Variants in ILDR2 observed in about 807,000 individuals in gnomAD.
ILDR2 encodes immunoglobulin like domain containing receptor 2, also known as immunoglobulin-like domain-containing receptor 2.
A neutral mutation model predicts 66.8 loss-of-function variants in ILDR2; 25 were observed. The ratio of observed to expected loss-of-function variants is 0.37; its 90% CI spans 0.27 to 0.52. ILDR2 has a LOEUF of 0.52. ILDR2 is among the 20% of genes least tolerant of loss of function. ILDR2 has a pLI of 0.88. For missense variants in ILDR2, 827 were observed against 876.8 expected, an observed-to-expected ratio of 0.94 and a Z score of 0.72; for synonymous variants, 367 against 357.2, an observed-to-expected ratio of 1.03 and a Z score of -0.31.
rs1659428233 is a variant in ILDR2, at chr1:166,909,760, A to AAATATATATATAT, written c.*9594_*9595insATATATATATATT. The AAATATATATATAT allele has an allele frequency of 1.6e-5, 1 of 62,746 alleles. No individual in the cohort carries two copies. Among genetic ancestry groups the AAATATATATATAT allele is most frequent in the Non-Finnish European group, 2.7e-5 (1 of 36,372 alleles). 3.9% of individuals were successfully genotyped at this position (62,746 alleles called of 1,614,324 possible). On this transcript the variant is annotated 3_prime_UTR_variant, in exon 10 of 10. Transcript: ENST00000271417. ...ACATATATATATATATATATATATAAATATATATAAATATATATATTTATA... is the reference window on the plus strand; with the variant it reads ...ACATATATATATATATATATATATAAAATATATATATATATATATATAAATATATATATTTATA...
chr1:166,927,053 T>C lies in ILDR2; in HGVS notation c.994+14A>G. ...GCATAATGCACAGATCACAGAAAAC[T>C]AACAGATGCTCACATCTGCCTCTCA... On this transcript the variant is annotated intron_variant, in intron 7 of 9. Coordinates refer to ENST00000271417, the MANE Select transcript of ILDR2 (RefSeq NM_199351.3). 2 of 1,572,434 alleles carry C rather than the reference T, an allele frequency of 1.3e-6. No homozygotes were observed. The highest frequency in any genetic ancestry group is 1.4e-5 in the African/African-American group (1 of 73,934).
downstream of ILDR2, among the ~76,000 whole-genome samples, chr1:166,906,365 C>T (rs1007954112): frequency 1.3e-5 from 2 of 152,162 alleles, no homozygotes; most frequent in African/African-American, 2.4e-5. Context: ...GCTCTTAGCT[C>T]AGCCTGGTGG....
Position 166,936,589 on chromosome 1 carries a change from AC to A in ILDR2, c.703+1del. The A allele has an allele frequency of 6.2e-7, 1 of 1,614,078 alleles. No individual in the cohort carries two copies. The highest frequency in any genetic ancestry group is 8.5e-7 in the Non-Finnish European group (1 of 1,179,972). On this transcript the variant is annotated splice_donor_variant, in intron 5 of 9. Transcript: ENST00000271417. LOFTEE classifies it high-confidence loss of function. The surrounding 1 kb of genome is among the most constrained non-coding windows in gnomAD (Gnocchi z 5.0). ...TGTCTCCCCAGCGGTCACTGTACTC[AC>A]AGGCTTGAGGGCAGCAGCAGGAATC...
chr1:166,937,993 A>T (rs1359725769), intron 4 of ILDR2, among the ~76,000 whole-genome samples: 1 of 152,194 alleles, frequency 6.6e-6, no homozygotes, highest in Non-Finnish European at 1.5e-5. Context: ...TTAGATCATA[A>T]TTTCCTCAGA....
chr1:166,920,916 C>A lies in ILDR2; in HGVS notation c.1675G>T (p.Gly559Cys). Reference sequence around the variant, plus strand: ...GCGTAGTAGGAGGCGCTGCGCGGGCCGAGCTGCGCGCTCCGCTTGGATGGC... The same window carrying A: ...GCGTAGTAGGAGGCGCTGCGCGGGCAGAGCTGCGCGCTCCGCTTGGATGGC... ...ETPSKRSAQLGPRSASYYAWS... is the reference protein window; with the variant it reads ...ETPSKRSAQLCPRSASYYAWS... Residue 559 changes from glycine (G) to cysteine (C), a missense_variant, in exon 9 of 10, where the codon GGC becomes TGC. Around this residue, in one of 2 missense-constraint regions of ILDR2, gnomAD observed 390 missense variants for 353.6 expected, o/e 1.10. Coordinates refer to ENST00000271417, the MANE Select transcript of ILDR2 (RefSeq NM_199351.3). 1 of 1,473,420 alleles carries A rather than the reference C, an allele frequency of 6.8e-7. No individual in the cohort carries two copies. The allele number at this position is 1,473,420 out of a possible 1,614,324, so 91.3% of individuals were successfully genotyped here.
intron 2 of ILDR2, among the ~76,000 whole-genome samples, chr1:166,897,597 G>A (rs568674955): frequency 1.3e-5 from 2 of 152,320 alleles, no homozygotes; most frequent in Admixed American, 6.5e-5. Context: ...TGGAGATTGA[G>A]TTCAATCACA....
intron 1 of ILDR2, 148 bp downstream of exon 1, chr1:166,975,075 T>G: frequency 4.8e-6 from 3 of 619,206 alleles, no homozygotes; most frequent in Non-Finnish European, 9.1e-6. Context: ...AACACACACG[T>G]TGCCCCCTCC....
intron 2 of ILDR2, among the ~76,000 whole-genome samples, chr1:166,896,497 A>G (rs1659168884): frequency 6.6e-6 from 1 of 151,784 alleles, no homozygotes; most frequent in Non-Finnish European, 1.5e-5. Flanking sequence ...AAGCGGAAGA[A>G]TTTTAATTTT....
chr1:166,901,846 G>T (rs905052916), intron 2 of ILDR2, among the ~76,000 whole-genome samples: 13 of 152,200 alleles, frequency 8.5e-5, no homozygotes, highest in Non-Finnish European at 1.6e-4. Context: ...CAGCAGTTTT[G>T]TCGTATGGGT....
Position 166,915,096 on chromosome 1 carries a change from T to C in ILDR2, c.*4259A>G, listed in dbSNP as rs1659591779. ...TGAGAAAATTACCTGTAATTCTTGT[T>C]GTCTGTTCTGAGACTGTCACAATAG... On this transcript the variant is annotated 3_prime_UTR_variant, in exon 10 of 10. Coordinates refer to ENST00000271417, the MANE Select transcript of ILDR2 (RefSeq NM_199351.3). 1 of 152,256 alleles carries C rather than the reference T, an allele frequency of 6.6e-6. No homozygotes were observed. Among genetic ancestry groups the C allele is most frequent in the Admixed American group, 6.5e-5 (1 of 15,294 alleles). 9.4% of individuals were successfully genotyped at this position (152,256 alleles called of 1,614,324 possible).
chr1:166,946,060 T>C (rs1034388039), intron 3 of ILDR2, among the ~76,000 whole-genome samples: 5 of 152,214 alleles, frequency 3.3e-5, no homozygotes, highest in Admixed American at 3.3e-4. Context: ...TTCACTCCTA[T>C]GTCTTTGAGG....
chr1:166,953,174 G>C (rs1662085239), intron 3 of ILDR2, among the ~76,000 whole-genome samples: 1 of 152,134 alleles, frequency 6.6e-6, no homozygotes, highest in Non-Finnish European at 1.5e-5. Flanking sequence ...GGTCTCAAAA[G>C]GCTAAGCAGG....
intron 2 of ILDR2, among the ~76,000 whole-genome samples, chr1:166,897,760 C>A (rs1174184834): frequency 6.6e-6 from 1 of 152,214 alleles, no homozygotes; most frequent in Non-Finnish European, 1.5e-5. Context: ...CATTTGGGAC[C>A]TCCCCAGGCT....
chr1:166,925,707 G>A (rs1660237871), intron 7 of ILDR2, among the ~76,000 whole-genome samples: 1 of 152,088 alleles, frequency 6.6e-6, no homozygotes, highest in South Asian at 2.1e-4. Flanking sequence ...CACTACAAAG[G>A]TTAACCTAGG....
chr1:166,971,091 C>A (rs1472627986), intron 1 of ILDR2, among the ~76,000 whole-genome samples: 1 of 152,186 alleles, frequency 6.6e-6, no homozygotes, highest in Non-Finnish European at 1.5e-5. Flanking sequence ...CTATACCTCC[C>A]TTCCCACTGC....
At chr1:166,943,889 T>A (rs528454160) in intron 3 of ILDR2, 1 of 973,132 alleles carries the variant, frequency 1.0e-6, no homozygotes, top group African/African-American at 1.8e-5. Context: ...AAGGCCACAT[T>A]TACTCTTTTC....
chr1:166,932,443 G>A lies in ILDR2; in HGVS notation c.880+2858C>T, dbSNP rs538814648. Among the ~76,000 whole-genome samples the A allele has an allele frequency of 7.9e-5, 12 of 152,340 alleles. No individual in the cohort carries two copies. The South Asian group carries it at 2.5e-3, about 32-fold the overall frequency. On this transcript the variant is annotated intron_variant, in intron 6 of 9. Coordinates refer to ENST00000271417, the MANE Select transcript of ILDR2 (RefSeq NM_199351.3). ...GACCACAGGATTTTTGTGAATTGTT[G>A]TATTTTAATGGGAGAGACTTTAGCA... is the stretch of plus-strand genomic sequence containing the variant.
chr1:166,907,511 CA>C (rs1159012980), downstream of ILDR2, among the ~76,000 whole-genome samples: 8 of 152,142 alleles, frequency 5.3e-5, no homozygotes, highest in Admixed American at 1.3e-4. Context: ...TTTGAGGGAA[CA>C]TCTCTTAATA....
chr1:166,899,414 A>G (rs886157335), intron 2 of ILDR2, among the ~76,000 whole-genome samples: 57 of 152,004 alleles, frequency 3.7e-4, no homozygotes, highest in African/African-American at 1.3e-3. Flanking sequence ...AAAGAAAAGA[A>G]AAGAAAAAGA....
Sources: allele counts gnomAD v4.1 joint callset (sites outside exome capture counted in the v4.1 genomes callset), GRCh38; gene constraint gnomAD v4.1.1; regional missense constraint gnomAD v4.1.1; non-coding constraint Gnocchi (gnomAD v3.1); transcripts MANE v1.5; gene names NCBI Gene and HGNC (gene_info 2026-07-23, HGNC 2026-07-21).